The following HRH1 variants were observed in gnomAD, a reference collection of about 807,000 sequenced individuals.
HRH1 encodes the protein histamine H1 receptor.
HRH1 carries 6 observed loss-of-function variants against 10.3 expected under a neutral mutation model. The observed-to-expected ratio is 0.58, with a 90% CI of 0.32 to 1.15. The LOEUF is 1.15. HRH1 is among the 50% of genes most tolerant of loss of function. The probability of loss-of-function intolerance (pLI) is 0.05; values close to 1 mark genes in which losing one functional copy is unlikely to be tolerated. For synonymous variants in HRH1, 242 were observed against 236.7 expected, an observed-to-expected ratio of 1.02 and a Z score of -0.21; for missense variants, 514 against 615.3, an observed-to-expected ratio of 0.84 and a Z score of 1.74.
chr3:11,239,740 T>C (rs1420823935), intron 1 of HRH1, among the ~76,000 whole-genome samples: 1 of 152,182 alleles, frequency 6.6e-6, no homozygotes. Flanking sequence ...TTTTGTCTGC[T>C]GCCTTCTTCT....
At chr3:11,219,263 C>G (rs914022083) in intron 1 of HRH1, among the ~76,000 whole-genome samples, 4 of 152,118 alleles carry the variant, frequency 2.6e-5, no homozygotes, top group Non-Finnish European at 5.9e-5. Context: ...CCATACAAAC[C>G]TAGCACATGA....
At chr3:11,204,534 T>C (rs1371877321) in intron 1 of HRH1, among the ~76,000 whole-genome samples, 1 of 151,856 alleles carries the variant, frequency 6.6e-6, no homozygotes, top group African/African-American at 2.4e-5. Flanking sequence ...GAAGGGAGGA[T>C]GAAATAAGCT....
At chr3:11,188,328 G>GAGGT (rs1937482648) in intron 1 of HRH1, among the ~76,000 whole-genome samples, 1 of 152,200 alleles carries the variant, frequency 6.6e-6, no homozygotes, top group South Asian at 2.1e-4. Context: ...CAGGCCAGGT[G>GAGGT]AGGTGGCTGA....
rs762299371 is a variant in HRH1, at chr3:11,259,724, G to A, written c.687G>A (p.Arg229=). Residue 229 remains arginine, a synonymous_variant, in exon 2 of 2, where the codon AGG becomes AGA. Coordinates refer to ENST00000431010, the MANE Select transcript of HRH1 (RefSeq NM_001098212.2). The surrounding 1 kb of genome is among the most constrained non-coding windows in gnomAD (Gnocchi z 4.6). ...GCCAGCACCGGGAGCTCATCAATAG[G>A]TCCCTCCCTTCCTTCTCAGAAATTA... ...QHCQHRELIN[R]SLPSFSEIKL... 5.1e-5 allele frequency: 82 copies of A among 1,613,804 alleles called. No individual in the cohort carries two copies. In the East Asian group the frequency reaches 1.8e-3, roughly 35 times the overall value.
chr3:11,179,947 G>A (rs1486591065), intron 1 of HRH1, among the ~76,000 whole-genome samples: 1 of 151,582 alleles, frequency 6.6e-6, no homozygotes. Context: ...ATTTTTTGTA[G>A]AGATGGGATC....
intron 1 of HRH1, among the ~76,000 whole-genome samples, chr3:11,182,718 C>T (rs1220370621): frequency 3.3e-5 from 5 of 152,168 alleles, no homozygotes; most frequent in Admixed American, 6.5e-5. Flanking sequence ...AAGCACTGCC[C>T]CAAAGCATCC....
At chr3:11,161,875 C>T (rs1030836637) in intron 1 of HRH1, among the ~76,000 whole-genome samples, 9 of 152,172 alleles carry the variant, frequency 5.9e-5, no homozygotes, top group South Asian at 2.1e-4. Context: ...CTGTAGGGGG[C>T]GGTGGGAAGG....
At chr3:11,159,599 C>G (rs1574980423) in intron 1 of HRH1, among the ~76,000 whole-genome samples, 1 of 152,228 alleles carries the variant, frequency 6.6e-6, no homozygotes, top group Middle Eastern at 3.4e-3. Flanking sequence ...ATTTACAAAC[C>G]CTTTTGTTTA....
At chr3:11,186,677 T>C (rs1937456863) in intron 1 of HRH1, among the ~76,000 whole-genome samples, 1 of 152,178 alleles carries the variant, frequency 6.6e-6, no homozygotes, top group Non-Finnish European at 1.5e-5. Flanking sequence ...CACATAGTTA[T>C]GGGTGTTCAT....
chr3:11,256,327 C>T (rs1219271176), intron 1 of HRH1, among the ~76,000 whole-genome samples: 1 of 152,218 alleles, frequency 6.6e-6, no homozygotes, highest in East Asian at 1.9e-4. Context: ...TCCCACCCTA[C>T]CCATTTGACA....
intron 1 of HRH1, among the ~76,000 whole-genome samples, chr3:11,195,214 A>C (rs942388086): frequency 6.6e-6 from 1 of 152,202 alleles, no homozygotes; most frequent in African/African-American, 2.4e-5. Flanking sequence ...CCTGTAACCA[A>C]GAGGAGCAAA....
chr3:11,168,822 C>G (rs532260514), intron 1 of HRH1, among the ~76,000 whole-genome samples: 1 of 152,320 alleles, frequency 6.6e-6, no homozygotes, highest in South Asian at 2.1e-4. Flanking sequence ...AGCAATGCCC[C>G]ATCCAGGAAC....
chr3:11,201,965 C>A (rs1028537304), intron 1 of HRH1, among the ~76,000 whole-genome samples: 1 of 152,210 alleles, frequency 6.6e-6, no homozygotes, highest in Non-Finnish European at 1.5e-5. Flanking sequence ...ATACTCCCCC[C>A]TCACCGGGGC....
intron 1 of HRH1, among the ~76,000 whole-genome samples, chr3:11,191,579 C>T (rs1318277559): frequency 6.6e-6 from 1 of 152,160 alleles, no homozygotes; most frequent in African/African-American, 2.4e-5. Flanking sequence ...TTCATATGCA[C>T]CCCCCACCTG....
At position 11,259,347 on chromosome 3, in the gene HRH1, C is replaced by G. The variant is rs1559288700; in HGVS notation, c.310C>G (p.Leu104Val). The stretch of plus-strand genomic sequence containing the variant: ...GGGCCGTCCTCTCTGCCTCTTTTGG[C>G]TTTCCATGGACTATGTGGCCAGCAC... ...SLGRPLCLFW[L>V]SMDYVASTAS... The change falls in exon 2 of 2, where the codon CTT (leucine) becomes GTT (valine). Residue 104 changes from leucine to valine, a missense_variant. Physicochemically the swap from Leu to Val is conservative, Grantham distance 32. Coordinates refer to ENST00000431010, the MANE Select transcript of HRH1 (RefSeq NM_001098212.2). This position sits in a 1 kb window ranked among gnomAD's most constrained non-coding sequence, Gnocchi z 4.6. 5 of 1,613,722 alleles carry G rather than the reference C, an allele frequency of 3.1e-6. 1 individual carries two copies. In the South Asian group the frequency reaches 5.5e-5, roughly 18 times the overall value.
At chr3:11,151,006 A>G (rs1347828067), upstream of HRH1, among the ~76,000 whole-genome samples, 2 of 152,098 alleles carry the variant, frequency 1.3e-5, no homozygotes, top group African/African-American at 4.8e-5. Context: ...TAGCACCTCG[A>G]TTGTCTTTTA....
chr3:11,233,831 G>A (rs1391318862), intron 1 of HRH1, among the ~76,000 whole-genome samples: 3 of 152,152 alleles, frequency 2.0e-5, no homozygotes, highest in African/African-American at 7.2e-5. Flanking sequence ...AGCATTTTTA[G>A]GAGAAGATGT....
intron 1 of HRH1, among the ~76,000 whole-genome samples, chr3:11,196,465 G>T (rs929490051): frequency 1.3e-5 from 2 of 152,040 alleles, no homozygotes; most frequent in Admixed American, 6.5e-5. Context: ...GAGTGCAGTG[G>T]CGTGATCTTG....
chr3:11,181,627 CTTTTTTTTTTTT>C (rs35710248), intron 1 of HRH1, among the ~76,000 whole-genome samples: 1 of 113,174 alleles, frequency 8.8e-6, no homozygotes, highest in South Asian at 2.9e-4. Context: ...ATCCCTTGCT[CTTTTTTTTTTTT>C]TTTTTTTTTT....
Sources: allele counts gnomAD v4.1 joint callset (sites outside exome capture counted in the v4.1 genomes callset), GRCh38; gene constraint gnomAD v4.1.1; non-coding constraint Gnocchi (gnomAD v3.1); transcripts MANE v1.5; gene names NCBI Gene and HGNC (gene_info 2026-07-23, HGNC 2026-07-21).